The following SNAP47 variants were observed in gnomAD, a reference collection of about 807,000 sequenced individuals.
SNAP47 encodes synaptosomal-associated protein 47.
A neutral mutation model predicts 31.4 loss-of-function variants in SNAP47; 20 were observed. The observed-to-expected ratio is 0.64, with a 90% CI of 0.45 to 0.93. The LOEUF (loss-of-function observed/expected upper bound fraction) is 0.93. SNAP47 is among the 40% of genes least tolerant of loss of function. The pLI is 0.00. For synonymous variants in SNAP47, 194 were observed against 213.4 expected, an observed-to-expected ratio of 0.91 and a Z score of 0.79; for missense variants, 492 against 528.5, an observed-to-expected ratio of 0.93 and a Z score of 0.68.
At chr1:227,732,736 A>T, upstream of SNAP47, 1 of 1,597,682 alleles carries the variant, frequency 6.3e-7, no homozygotes, top group East Asian at 2.2e-5. Flanking sequence ...GCTGCAAAGG[A>T]CCCGACATGC....
rs115818195 is a variant in SNAP47, at chr1:227,753,968, C to A, written c.498-5027C>A. On this transcript the variant is annotated intron_variant, in intron 2 of 4. Coordinates refer to ENST00000617596, the MANE Select transcript of SNAP47 (RefSeq NM_053052.4). ...TCTGTAGGTGGCTTGTGTTAACCAG[C>A]TCAATTAGACTCTCTACCCTGTTGC... Among the ~76,000 whole-genome samples the A allele has an allele frequency of 4.6e-3, 694 of 152,302 alleles. 5 individuals carry two copies. The highest frequency in any genetic ancestry group is 0.016 in the African/African-American group (650 of 41,558).
chr1:227,728,570 C>T (rs1322718644), upstream of SNAP47: 1 of 146,106 alleles, frequency 6.8e-6, no homozygotes, highest in Non-Finnish European at 1.5e-5. Flanking sequence ...CCCTCCCCGC[C>T]TGTCCCTCCC....
At chr1:227,732,006 G>C, upstream of SNAP47, 1 of 281,686 alleles carries the variant, frequency 3.6e-6, no homozygotes, top group Non-Finnish European at 6.9e-6. Flanking sequence ...GGCAGAGCCA[G>C]GGGTGGTCCA....
chr1:227,746,640 G>A (rs2102913718), intron 1 of SNAP47: 1 of 152,338 alleles, frequency 6.6e-6, no homozygotes, highest in Non-Finnish European at 1.5e-5. Context: ...TCATGAACGT[G>A]CTGCCAGAAT....
At chr1:227,736,652 A>G (rs1015058412) in intron 1 of SNAP47, among the ~76,000 whole-genome samples, 1 of 149,430 alleles carries the variant, frequency 6.7e-6, no homozygotes. Context: ...GGCATGAGCC[A>G]CTATGCCCAG....
In SNAP47 at chr1:227,762,141, CA is replaced by C. The variant is rs1359972170; in HGVS notation, c.988+2657del. ...ATCTTGCCATGTGGCACACACAGCA[CA>C]CAGTCCCACAGGGACCTGCTGCATG... is the stretch of plus-strand genomic sequence containing the variant. On this transcript the variant is annotated intron_variant, in intron 3 of 4. Coordinates refer to ENST00000617596, the MANE Select transcript of SNAP47 (RefSeq NM_053052.4). This position sits in a 1 kb window ranked among gnomAD's most constrained non-coding sequence, Gnocchi z 4.2. 1.3e-5 allele frequency among the ~76,000 whole-genome samples: 2 copies of C among 152,236 alleles called. No individual in the cohort carries two copies. The highest frequency in any genetic ancestry group is 2.9e-5 in the Non-Finnish European group (2 of 68,042).
Position 227,759,394 on chromosome 1 carries a change from C to G in SNAP47, c.897C>G (p.Ser299Arg), listed in dbSNP as rs750099068. 1.2e-6 allele frequency: 2 copies of G among 1,614,222 alleles called. No homozygotes were observed. Among genetic ancestry groups the G allele is most frequent in the Non-Finnish European group, 1.7e-6 (2 of 1,180,052 alleles). Residue 299 changes from serine to arginine, a missense_variant, in exon 3 of 5, where the codon AGC (serine) becomes AGG (arginine). By Grantham distance (110) the Ser-to-Arg change is moderately radical. Coordinates refer to ENST00000617596, the MANE Select transcript of SNAP47 (RefSeq NM_053052.4). ...TCCCCATTTTAGAAGTGCAGTTCAGCAAGAAGATGGAGCTGTTAGAAGATG... is the reference window on the plus strand; with the variant it reads ...TCCCCATTTTAGAAGTGCAGTTCAGGAAGAAGATGGAGCTGTTAGAAGATG... The part of the protein sequence containing the change: ...EVIPILEVQF[S>R]KKMELLEDAL...
chr1:227,770,055 C>A (rs1353053532), intron 4 of SNAP47, among the ~76,000 whole-genome samples: 6 of 152,192 alleles, frequency 3.9e-5, no homozygotes, highest in African/African-American at 7.2e-5. Flanking sequence ...GCACTCCTGC[C>A]GTGGTTCCTG....
At chr1:227,734,790 A>G, upstream of SNAP47, 1 of 1,614,026 alleles carries the variant, frequency 6.2e-7, no homozygotes, top group South Asian at 1.1e-5. Context: ...TGGACCCCAC[A>G]GTTTGCAACT....
intron 3 of SNAP47, among the ~76,000 whole-genome samples, chr1:227,760,015 C>T (rs936143525): frequency 6.6e-6 from 1 of 152,220 alleles, no homozygotes; most frequent in Non-Finnish European, 1.5e-5. Flanking sequence ...TGCCACAACA[C>T]GAGAGCCCTT....
upstream of SNAP47, chr1:227,734,853 GC>G: frequency 6.2e-7 from 1 of 1,611,082 alleles, no homozygotes; most frequent in Non-Finnish European, 8.5e-7. Flanking sequence ...ATCTCCCTGG[GC>G]CCCGTCCTCA....
chr1:227,779,393 C>T (rs1033231756), intron 4 of SNAP47, among the ~76,000 whole-genome samples: 2 of 152,132 alleles, frequency 1.3e-5, no homozygotes, highest in Non-Finnish European at 2.9e-5. Context: ...TGTCACTGGG[C>T]GGAGCGTGGG....
chr1:227,759,480 A>G lies in SNAP47; in HGVS notation c.983A>G (p.His328Arg). Residue 328 changes from histidine to arginine, a missense_variant, in exon 3 of 5, where the codon CAT (histidine) becomes CGT (arginine). Physicochemically the swap from His to Arg is conservative, Grantham distance 29. Transcript: ENST00000617596. ...GCAGAGAAGAGCTGCTCAGTCTGGC[A>G]TGCAGGTTAGTGACCGACAAGGCAG... ...SPAEKSCSVW[H>R]AASGLMGRTL... 6.2e-7 allele frequency: 1 copy of G among 1,613,512 alleles called. No individual in the cohort carries two copies. Among genetic ancestry groups the G allele is most frequent in the South Asian group, 1.1e-5 (1 of 91,078 alleles).
intron 1 of SNAP47, among the ~76,000 whole-genome samples, chr1:227,736,993 T>A (rs1661251528): frequency 6.6e-6 from 1 of 152,234 alleles, no homozygotes; most frequent in African/African-American, 2.4e-5. Flanking sequence ...AAGGCCGTTT[T>A]CTTTGTAGTA....
upstream of SNAP47, chr1:227,732,292 T>C (rs1027357369): frequency 7.2e-6 from 10 of 1,387,636 alleles, no homozygotes; most frequent in Non-Finnish European, 8.0e-6. Context: ...TCGACAGGGG[T>C]GGGCCCCAGG....
rs74916234 is a variant in SNAP47, at chr1:227,779,437, C to T, written c.1114-1090C>T. Among the ~76,000 whole-genome samples the T allele has an allele frequency of 2.4e-3, 358 of 152,258 alleles. 4 individuals are homozygous for T. Among genetic ancestry groups the T allele is most frequent in the African/African-American group, 8.4e-3 (350 of 41,556 alleles). On this transcript the variant is annotated intron_variant, in intron 4 of 4. Transcript: ENST00000617596. ...TCCCCCAGGGCTCAGGAGTGCTGTTCCTAGAGGCAACCAGAGGAGCTGTAG... is the reference window on the plus strand; with the variant it reads ...TCCCCCAGGGCTCAGGAGTGCTGTTTCTAGAGGCAACCAGAGGAGCTGTAG...
intron 2 of SNAP47, among the ~76,000 whole-genome samples, chr1:227,756,767 C>A (rs1295871427): frequency 6.6e-6 from 1 of 152,262 alleles, no homozygotes; most frequent in Non-Finnish European, 1.5e-5. Flanking sequence ...TGCTGCCCAA[C>A]AGCAGCTCTA....
chr1:227,738,192 C>T (rs1333070300), intron 1 of SNAP47, among the ~76,000 whole-genome samples: 4 of 152,258 alleles, frequency 2.6e-5, no homozygotes, highest in Non-Finnish European at 5.9e-5. Flanking sequence ...CAGGCGCGCA[C>T]CACCACGCCC....
chr1:227,759,958 T>C (rs1662957937), intron 3 of SNAP47, among the ~76,000 whole-genome samples: 1 of 152,206 alleles, frequency 6.6e-6, no homozygotes, highest in African/African-American at 2.4e-5. Flanking sequence ...AGGATGCCCC[T>C]CTGATTCTGT....
Sources: gnomAD v4.1 joint callset for allele counts (sites outside exome capture counted in the v4.1 genomes callset) on GRCh38, gnomAD v4.1.1 for gene constraint, Gnocchi (gnomAD v3.1) non-coding constraint, MANE v1.5 for transcripts, NCBI Gene and HGNC (gene_info 2026-07-23, HGNC 2026-07-21) for gene names.